SEH1L: variants seen among roughly 807,000 people sequenced by gnomAD.
The protein encoded by SEH1L is nucleoporin SEH1.
A neutral mutation model predicts 49.5 loss-of-function variants in SEH1L; 18 were observed. The ratio of observed to expected loss-of-function variants is 0.36; its 90% CI spans 0.25 to 0.54. SEH1L has a LOEUF of 0.54. Among genes scored for constraint, SEH1L ranks in the 20% least tolerant of loss-of-function variants. The pLI, the probability that SEH1L is intolerant of heterozygous loss-of-function variation, is 0.87. For synonymous variants in SEH1L, 169 were observed against 178.1 expected, an observed-to-expected ratio of 0.95 and a Z score of 0.41; for missense variants, 404 against 528.8, an observed-to-expected ratio of 0.76 and a Z score of 2.31.
intron 3 of SEH1L, among the ~76,000 whole-genome samples, chr18:12,957,467 T>C (rs1022689037): frequency 6.6e-6 from 1 of 152,202 alleles, no homozygotes; most frequent in Non-Finnish European, 1.5e-5. Flanking sequence ...CTACATCTGC[T>C]TTTATCGCTG....
chr18:12,977,280 C>T (rs1345986299), intron 5 of SEH1L: 2 of 152,320 alleles, frequency 1.3e-5, no homozygotes, highest in South Asian at 2.1e-4. Context: ...TAGGTGCTGC[C>T]GTTCTGTCCA....
chr18:12,972,413 G>T (rs1302178541), intron 5 of SEH1L: 1 of 152,154 alleles, frequency 6.6e-6, no homozygotes, highest in Non-Finnish European at 1.5e-5. Context: ...AGTTAATTTT[G>T]GTCATGCCGA....
chr18:12,948,365 C>G (rs1598933730), intron 1 of SEH1L, 133 bp downstream of exon 1: 1 of 662,062 alleles, frequency 1.5e-6, no homozygotes, highest in Admixed American at 2.7e-5. Context: ...CGAGCCCTGG[C>G]TGGACTGAGC....
intron 6 of SEH1L, among the ~76,000 whole-genome samples, chr18:12,982,008 C>T (rs535728469): frequency 2.0e-5 from 3 of 151,790 alleles, no homozygotes; most frequent in South Asian, 2.1e-4. Flanking sequence ...TACAGGCGCC[C>T]GCCACCATGC....
intron 3 of SEH1L, among the ~76,000 whole-genome samples, chr18:12,956,289 CTG>C (rs2030855005): frequency 6.6e-6 from 1 of 151,830 alleles, no homozygotes; most frequent in African/African-American, 2.4e-5. Flanking sequence ...CGTGATCTGC[CTG>C]TCGGCCTCCC....
In SEH1L at chr18:12,962,631, C is replaced by CTT. The variant is rs562045826; in HGVS notation, c.310-516_310-515dup. On this transcript the variant is annotated intron_variant, in intron 3 of 8. Transcript: ENST00000399892. The stretch of plus-strand genomic sequence containing the variant: ...CACAGGCGTGCACCACCACACCTGG[C>CTT]TTTTTTTTTTTTTTAGTTTTTAGTA... Among the ~76,000 whole-genome samples, 1,247 of 138,408 alleles carry CTT rather than the reference C, an allele frequency of 9.0e-3. 19 individuals are homozygous for CTT. Among genetic ancestry groups the CTT allele is most frequent in the East Asian group, 0.036 (172 of 4,758 alleles). 90.8% of individuals were successfully genotyped at this position (138,408 alleles called of 152,430 possible).
chr18:12,951,902 G>A lies in SEH1L; in HGVS notation c.159G>A (p.Trp53Ter). 1 of 1,530,626 alleles carries A rather than the reference G, an allele frequency of 6.5e-7. No individual in the cohort carries two copies. Among genetic ancestry groups the A allele is most frequent in the Non-Finnish European group, 8.9e-7 (1 of 1,120,650 alleles). 94.8% of individuals were successfully genotyped at this position (1,530,626 alleles called of 1,614,324 possible). The part of the protein sequence containing the change: ...ESGDWHCTAS[W>*]KTHSGSVWRV... Reference sequence around the variant, plus strand: ...GTGATTGGCATTGTACTGCTAGCTGGAAGGTTAGTATTTATTTTTACATTT... The same window carrying A: ...GTGATTGGCATTGTACTGCTAGCTGAAAGGTTAGTATTTATTTTTACATTT... The change falls in exon 2 of 9, where the codon TGG (tryptophan) becomes TGA (stop). Residue 53 changes from tryptophan (W) to a stop codon, truncating the protein, a stop_gained. Coordinates refer to ENST00000399892, the MANE Select transcript of SEH1L (RefSeq NM_001013437.2). LOFTEE classifies it high-confidence loss of function.
chr18:12,952,474 C>T (rs1230299808), intron 2 of SEH1L, among the ~76,000 whole-genome samples: 1 of 152,070 alleles, frequency 6.6e-6, no homozygotes, highest in Non-Finnish European at 1.5e-5. Flanking sequence ...CTCAGGTGAT[C>T]CTCCCTCGGC....
chr18:12,977,481 T>A (rs1326925703), intron 5 of SEH1L: 1 of 152,226 alleles, frequency 6.6e-6, no homozygotes, highest in Non-Finnish European at 1.5e-5. Flanking sequence ...TCCTAGCACT[T>A]TGGGAGGCAG....
chr18:12,962,409 A>G (rs987660502), intron 3 of SEH1L, among the ~76,000 whole-genome samples: 5 of 150,492 alleles, frequency 3.3e-5, no homozygotes, highest in Non-Finnish European at 7.4e-5. Flanking sequence ...ATAGTGGTCC[A>G]AATGGGATTA....
Position 12,948,028 on chromosome 18 carries a change from C to A in SEH1L, c.-94C>A. The A allele has an allele frequency of 1.1e-6, 1 of 875,264 alleles. No individual in the cohort carries two copies. Among genetic ancestry groups the A allele is most frequent in the Non-Finnish European group, 1.8e-6 (1 of 563,074 alleles). The allele number at this position is 875,264 out of a possible 1,614,324, so 54.2% of individuals were successfully genotyped here. On this transcript the variant is annotated 5_prime_UTR_variant, in exon 1 of 9. Coordinates refer to ENST00000399892, the MANE Select transcript of SEH1L (RefSeq NM_001013437.2). ...GCGTGGGCAGCACAAGCCGTGCGCT[C>A]CCGGGCTGCGAGGTCTGGCTAGGCT...
chr18:12,963,017 T>C (rs2031265755), intron 3 of SEH1L, 143 bp from the exon 4 acceptor site: 2 of 539,754 alleles, frequency 3.7e-6, no homozygotes, highest in Non-Finnish European at 6.4e-6. Flanking sequence ...TTGTAGGAAC[T>C]TGTGGCCCAG....
At chr18:12,974,445 A>T (rs889488721) in intron 5 of SEH1L, 5 of 152,092 alleles carry the variant, frequency 3.3e-5, no homozygotes, top group Non-Finnish European at 7.3e-5. Flanking sequence ...ATGCCCAGCT[A>T]ACTTTTGTAT....
chr18:12,973,034 T>G (rs1398524562), intron 5 of SEH1L: 1 of 152,132 alleles, frequency 6.6e-6, no homozygotes, highest in Non-Finnish European at 1.5e-5. Context: ...GGTGAAACCC[T>G]TTCGCTACAA....
At chr18:12,985,587 T>C in intron 8 of SEH1L, 1 of 1,067,426 alleles carries the variant, frequency 9.4e-7, no homozygotes. Flanking sequence ...ATCTGAGTAG[T>C]TGGGAGGAGG....
At chr18:12,980,265 C>T (rs866711538) in intron 6 of SEH1L, among the ~76,000 whole-genome samples, 6 of 139,006 alleles carry the variant, frequency 4.3e-5, no homozygotes, top group African/African-American at 1.3e-4. Context: ...ACCTCCCTCC[C>T]GGTCGGGGCG....
intron 4 of SEH1L, among the ~76,000 whole-genome samples, chr18:12,965,357 T>C (rs2031402566): frequency 6.6e-6 from 1 of 152,226 alleles, no homozygotes; most frequent in Admixed American, 6.5e-5. Context: ...AGATTTATAA[T>C]ATTTACATTC....
chr18:12,966,344 G>T (rs1213042976), intron 4 of SEH1L, among the ~76,000 whole-genome samples: 1 of 151,938 alleles, frequency 6.6e-6, no homozygotes, highest in Non-Finnish European at 1.5e-5. Flanking sequence ...TGCCGGCCTC[G>T]GCCTCCCAAA....
chr18:12,987,408 A>G lies in SEH1L; in HGVS notation c.*351A>G, dbSNP rs1158992713. ...TGCTTTATCAGACTGGCTAATGTGA[A>G]AGCATAATATTATGAAGTTTATTCT... On this transcript the variant is annotated 3_prime_UTR_variant, in exon 9 of 9. Coordinates refer to ENST00000399892, the MANE Select transcript of SEH1L (RefSeq NM_001013437.2). 1 of 160,762 alleles carries G rather than the reference A, an allele frequency of 6.2e-6. No homozygotes were observed. The highest frequency in any genetic ancestry group is 1.8e-4 in the East Asian group (1 of 5,692). 10.0% of individuals were successfully genotyped at this position (160,762 alleles called of 1,614,324 possible).
Sources: allele counts gnomAD v4.1 joint callset (sites outside exome capture counted in the v4.1 genomes callset), GRCh38; gene constraint gnomAD v4.1.1; transcripts MANE v1.5; gene names NCBI Gene and HGNC (gene_info 2026-07-23, HGNC 2026-07-21).